FHIT: variants seen among roughly 807,000 people sequenced by gnomAD.
The protein encoded by FHIT is fragile histidine triad diadenosine triphosphatase.
A neutral mutation model predicts 17.9 loss-of-function variants in FHIT; 19 were observed. That is an observed-to-expected ratio of 1.06 (90% CI 0.74 to 1.56). The LOEUF (loss-of-function observed/expected upper bound fraction) is 1.56. FHIT is among the 40% of genes most tolerant of loss of function. The pLI, the probability that FHIT is intolerant of heterozygous loss-of-function variation, is 0.00. For synonymous variants in FHIT, 81 were observed against 69.7 expected, an observed-to-expected ratio of 1.16 and a Z score of -0.81; for missense variants, 248 against 189.2, an observed-to-expected ratio of 1.31 and a Z score of -1.82.
At chr3:60,909,805 G>A in intron 3 of FHIT, among the ~76,000 whole-genome samples, 1 of 152,104 alleles carries the variant, frequency 6.6e-6, no homozygotes, top group East Asian at 1.9e-4. Flanking sequence ...CCATTGCCTA[G>A]TACCTTTCAT....
chr3:60,088,162 C>G (rs1703578561), intron 5 of FHIT, among the ~76,000 whole-genome samples: 1 of 152,144 alleles, frequency 6.6e-6, no homozygotes, highest in Non-Finnish European at 1.5e-5. Flanking sequence ...AATTAGTTCC[C>G]TTGGGAATTA....
intron 5 of FHIT, among the ~76,000 whole-genome samples, chr3:60,414,649 T>C (rs1702178635): frequency 6.6e-6 from 1 of 152,068 alleles, no homozygotes; most frequent in South Asian, 2.1e-4. Flanking sequence ...GTATCTACCA[T>C]CCAAAGAACC....
chr3:61,051,486 C>A (rs1437556113), intron 2 of FHIT, among the ~76,000 whole-genome samples: 1 of 151,962 alleles, frequency 6.6e-6, no homozygotes, highest in African/African-American at 2.4e-5. Flanking sequence ...TAGCCTCAAG[C>A]CATCTGCTCA....
At chr3:60,592,730 A>G (rs1201916189) in intron 4 of FHIT, among the ~76,000 whole-genome samples, 1 of 152,154 alleles carries the variant, frequency 6.6e-6, no homozygotes, top group African/African-American at 2.4e-5. Context: ...TTAGAAATGT[A>G]ATCCTTCCTC....
At position 60,254,888 on chromosome 3, in the gene FHIT, T is replaced by C. The variant is rs114240749; in HGVS notation, c.104-240736A>G. Among the ~76,000 whole-genome samples the C allele has an allele frequency of 4.9e-3, 747 of 152,356 alleles. 1 individual carries two copies. The highest frequency in any genetic ancestry group is 0.031 in the Middle Eastern group (9 of 292). On this transcript the variant is annotated intron_variant, in intron 5 of 9. Transcript: ENST00000492590. ...TTGATGTGACTTTTTGTTATTCTTATGGTTGTGCTCATAAGCACATCACAA... is the reference window on the plus strand; with the variant it reads ...TTGATGTGACTTTTTGTTATTCTTACGGTTGTGCTCATAAGCACATCACAA...
intron 5 of FHIT, among the ~76,000 whole-genome samples, chr3:60,334,539 C>A (rs922516276): frequency 9.2e-5 from 14 of 152,182 alleles, no homozygotes; most frequent in Non-Finnish European, 5.9e-5. Flanking sequence ...GTAATCCCTG[C>A]ACTTTGGGAG....
At chr3:60,166,100 T>C (rs1246670517) in intron 5 of FHIT, among the ~76,000 whole-genome samples, 3 of 152,078 alleles carry the variant, frequency 2.0e-5, no homozygotes, top group African/African-American at 7.2e-5. Context: ...AATATTATGT[T>C]TAAGCAAATC....
intron 2 of FHIT, among the ~76,000 whole-genome samples, chr3:61,108,181 T>A (rs907985860): frequency 1.3e-5 from 2 of 152,198 alleles, no homozygotes; most frequent in African/African-American, 2.4e-5. Context: ...AATCTCTTAT[T>A]ATTATCATCT....
At chr3:60,929,334 T>A (rs1202792650) in intron 3 of FHIT, among the ~76,000 whole-genome samples, 1 of 152,150 alleles carries the variant, frequency 6.6e-6, no homozygotes, top group Non-Finnish European at 1.5e-5. Flanking sequence ...CCACTCCTAT[T>A]CAACATAGTG....
chr3:60,311,341 T>A (rs989968526), intron 5 of FHIT, among the ~76,000 whole-genome samples: 2 of 151,990 alleles, frequency 1.3e-5, no homozygotes, highest in Non-Finnish European at 2.9e-5. Flanking sequence ...TAGATTCAGG[T>A]TGTATATTCT....
At chr3:60,571,363 A>AAAG (rs2037376968) in intron 4 of FHIT, among the ~76,000 whole-genome samples, 3 of 139,292 alleles carry the variant, frequency 2.2e-5, no homozygotes, top group African/African-American at 7.7e-5. Flanking sequence ...AAAAAAAAAA[A>AAAG]GAACAATGAA....
intron 4 of FHIT, among the ~76,000 whole-genome samples, chr3:60,739,603 A>G (rs1162520653): frequency 6.6e-6 from 1 of 152,206 alleles, no homozygotes; most frequent in Non-Finnish European, 1.5e-5. Flanking sequence ...TGTGCATTGC[A>G]GGATGTTCAT....
rs541229105 is a variant in FHIT, at chr3:59,975,619, TA to T, written c.279+35751del. On this transcript the variant is annotated intron_variant, in intron 7 of 9. Transcript: ENST00000492590. ...GAAGTTGCAAAATGTTACAAATGGT[TA>T]AAAAAACATTAGAGAAAGAGAGCAG... Among the ~76,000 whole-genome samples the T allele has an allele frequency of 1.2e-4, 18 of 151,942 alleles. No homozygotes were observed. In the East Asian group the frequency reaches 3.1e-3, roughly 26 times the overall value.
chr3:60,880,895 A>G (rs1398820498), intron 3 of FHIT, among the ~76,000 whole-genome samples: 1 of 152,206 alleles, frequency 6.6e-6, no homozygotes, highest in African/African-American at 2.4e-5. Context: ...TAACCAGAAA[A>G]TAGTTAACAA....
intron 5 of FHIT, among the ~76,000 whole-genome samples, chr3:60,143,318 G>C (rs1009829987): frequency 1.1e-4 from 16 of 152,104 alleles, no homozygotes; most frequent in African/African-American, 3.9e-4. Context: ...GACTTCCTTA[G>C]GCCCTGATAT....
rs181876801 is a variant in FHIT at position 60,156,375 on chromosome 3, A to C, written c.104-142223T>G. Among the ~76,000 whole-genome samples, 447 of 152,070 alleles carry C rather than the reference A, an allele frequency of 2.9e-3. 13 individuals are homozygous for C. The highest frequency in any genetic ancestry group is 0.027 in the Admixed American group (414 of 15,268). ...AAAAAAAAAAAAAAATTAGATATTT[A>C]AAATTAAGCTGTCTAATTGTTTTAA... On this transcript the variant is annotated intron_variant, in intron 5 of 9. Coordinates refer to ENST00000492590, the MANE Select transcript of FHIT (RefSeq NM_002012.4).
At chr3:60,313,400 T>C (rs1709031832) in intron 5 of FHIT, among the ~76,000 whole-genome samples, 1 of 152,194 alleles carries the variant, frequency 6.6e-6, no homozygotes, top group South Asian at 2.1e-4. Flanking sequence ...ACAGTCACAT[T>C]AGCAGAATAC....
intron 5 of FHIT, among the ~76,000 whole-genome samples, chr3:60,523,849 G>T (rs955345154): frequency 2.6e-5 from 4 of 152,158 alleles, no homozygotes; most frequent in Admixed American, 6.5e-5. Context: ...TTCAAAGCAG[G>T]CCACTTTGGA....
chr3:60,235,027 C>T lies in FHIT; in HGVS notation c.104-220875G>A, dbSNP rs1181451552. Among the ~76,000 whole-genome samples the T allele has an allele frequency of 2.0e-5, 3 of 152,034 alleles. No individual in the cohort carries two copies. The East Asian group carries it at 5.8e-4, about 29-fold the overall frequency. On this transcript the variant is annotated intron_variant, in intron 5 of 9. Coordinates refer to ENST00000492590, the MANE Select transcript of FHIT (RefSeq NM_002012.4). ...CAAGTGCATCAGGAGCAGTTTCGAA[C>T]AAGGTGTAACTTCTCAACGTTACAT...
Sources: allele counts gnomAD v4.1 joint callset (sites outside exome capture counted in the v4.1 genomes callset), GRCh38; gene constraint gnomAD v4.1.1; transcripts MANE v1.5; gene names NCBI Gene and HGNC (gene_info 2026-07-23, HGNC 2026-07-21).